Variants in MYO1B observed in about 807,000 individuals in gnomAD.
MYO1B encodes the protein myosin IB.
MYO1B carries 72 observed loss-of-function variants against 159.7 expected under a neutral mutation model. The ratio of observed to expected loss-of-function variants is 0.45; its 90% CI spans 0.37 to 0.55. MYO1B has a LOEUF of 0.55. Among genes scored for constraint, MYO1B ranks in the 20% least tolerant of loss-of-function variants. The probability of loss-of-function intolerance (pLI) is 0.00; values close to 1 mark genes in which losing one functional copy is unlikely to be tolerated. For synonymous variants in MYO1B, 468 were observed against 473.8 expected (o/e 0.99, Z 0.16); for missense variants, 1,062 against 1,364.8 (o/e 0.78, Z 3.50).
intron 1 of MYO1B, among the ~76,000 whole-genome samples, chr2:191,260,537 A>G (rs1686749557): frequency 6.6e-6 from 1 of 152,006 alleles, no homozygotes; most frequent in Non-Finnish European, 1.5e-5. Flanking sequence ...AAGAGAGTGA[A>G]TGTCAGATTT....
intron 1 of MYO1B, among the ~76,000 whole-genome samples, chr2:191,254,638 T>G (rs1405792960): frequency 6.6e-6 from 1 of 151,816 alleles, no homozygotes; most frequent in Non-Finnish European, 1.5e-5. Context: ...CCCAAGTAAC[T>G]AGGACTATTG....
At position 191,409,687 on chromosome 2, in the gene MYO1B, CTAAAT is replaced by C. The variant is rs369502389; in HGVS notation, c.2766+512_2766+516del. On this transcript the variant is annotated intron_variant, in intron 26 of 30. Transcript: ENST00000392318. ...CTAAAGATAGTAACACATTCTCTAT[CTAAAT>C]TACAGGGAAGCTGGAAATCTGTTTT... Among the ~76,000 whole-genome samples, 1,213 of 152,296 alleles carry C rather than the reference CTAAAT, an allele frequency of 8.0e-3. 5 individuals are homozygous for C. Among genetic ancestry groups the C allele is most frequent in the Non-Finnish European group, 0.013 (865 of 68,012 alleles).
intron 3 of MYO1B, among the ~76,000 whole-genome samples, chr2:191,318,083 A>G (rs1690466652): frequency 1.3e-5 from 2 of 152,204 alleles, no homozygotes; most frequent in African/African-American, 4.8e-5. Context: ...TCCCACTCTC[A>G]AAAGAAACTG....
intron 3 of MYO1B, among the ~76,000 whole-genome samples, chr2:191,311,350 C>T (rs1689991560): frequency 6.6e-6 from 1 of 152,188 alleles, no homozygotes; most frequent in Non-Finnish European, 1.5e-5. Context: ...TGGGAAAACA[C>T]ATGCAGGCAT....
At chr2:191,385,042 G>A (rs1695320138) in intron 15 of MYO1B, among the ~76,000 whole-genome samples, 1 of 152,186 alleles carries the variant, frequency 6.6e-6, no homozygotes, top group Non-Finnish European at 1.5e-5. Flanking sequence ...GACTTTGCCT[G>A]GGTGGAAGTA....
intron 1 of MYO1B, among the ~76,000 whole-genome samples, chr2:191,253,586 G>C (rs1686259273): frequency 7.1e-6 from 1 of 141,378 alleles, no homozygotes; most frequent in African/African-American, 2.5e-5. Context: ...AAAAAAAAAA[G>C]AAAATATTTG....
chr2:191,313,852 G>A (rs1690181730), intron 3 of MYO1B, among the ~76,000 whole-genome samples: 3 of 152,218 alleles, frequency 2.0e-5, no homozygotes, highest in African/African-American at 7.2e-5. Context: ...GGAAGGTGAA[G>A]AGAGAGCATG....
At chr2:191,385,688 A>G (rs528940456) in intron 15 of MYO1B, among the ~76,000 whole-genome samples, 196 bp from the exon 16 acceptor site, 4 of 152,262 alleles carry the variant, frequency 2.6e-5, no homozygotes, top group African/African-American at 9.6e-5. Context: ...CCACACCACC[A>G]TACACACACC....
chr2:191,279,561 C>A (rs1428141147), intron 2 of MYO1B, among the ~76,000 whole-genome samples: 1 of 152,120 alleles, frequency 6.6e-6, no homozygotes, highest in Admixed American at 6.6e-5. Flanking sequence ...ACCACACTCT[C>A]CAGCCCCACA....
At chr2:191,283,909 C>T (rs567938396) in intron 2 of MYO1B, among the ~76,000 whole-genome samples, 54 of 152,346 alleles carry the variant, frequency 3.5e-4, no homozygotes, top group Admixed American at 2.0e-3. Context: ...AGTATTCCTG[C>T]CATGTGTTGA....
chr2:191,392,084 C>A, intron 18 of MYO1B, 24 bp from the exon 19 acceptor site: 1 of 1,552,300 alleles, frequency 6.4e-7, no homozygotes, highest in South Asian at 1.2e-5. Flanking sequence ...AGAAAACTCA[C>A]TGTTTTTATT....
At chr2:191,411,371 A>G (rs1233496354) in intron 27 of MYO1B, among the ~76,000 whole-genome samples, 199 bp downstream of exon 27, 3 of 152,210 alleles carry the variant, frequency 2.0e-5, no homozygotes, top group Admixed American at 6.5e-5. Flanking sequence ...AAATGAGGTT[A>G]CGATTGTTGG....
At chr2:191,348,786 A>G (rs1441318525) in intron 6 of MYO1B, among the ~76,000 whole-genome samples, 1 of 152,200 alleles carries the variant, frequency 6.6e-6, no homozygotes, top group Non-Finnish European at 1.5e-5. Context: ...CATGCTAGCC[A>G]GGGAAATCTT....
At chr2:191,351,293 C>T (rs933516684) in intron 7 of MYO1B, among the ~76,000 whole-genome samples, 9 of 151,874 alleles carry the variant, frequency 5.9e-5, no homozygotes, top group Non-Finnish European at 1.3e-4. Context: ...TGCTGAACCC[C>T]AAAGAAGGTA....
intron 2 of MYO1B, among the ~76,000 whole-genome samples, chr2:191,288,700 T>C (rs1286461264): frequency 6.6e-6 from 1 of 152,194 alleles, no homozygotes; most frequent in East Asian, 1.9e-4. Context: ...GCATGTAAAA[T>C]GGTTTGTAGC....
intron 13 of MYO1B, among the ~76,000 whole-genome samples, chr2:191,376,254 CTA>C (rs1694703636): frequency 1.3e-5 from 2 of 152,198 alleles, no homozygotes; most frequent in African/African-American, 2.4e-5. Context: ...AAAAAGGAGA[CTA>C]TTTCATATTA....
chr2:191,338,240 G>A (rs1443605332), intron 4 of MYO1B, among the ~76,000 whole-genome samples: 1 of 151,818 alleles, frequency 6.6e-6, no homozygotes, highest in East Asian at 1.9e-4. Flanking sequence ...ATTAAGATGA[G>A]CCCAGTAGTA....
At chr2:191,405,423 G>GA (rs1696859498) in intron 24 of MYO1B, among the ~76,000 whole-genome samples, 2 of 152,156 alleles carry the variant, frequency 1.3e-5, no homozygotes, top group South Asian at 4.1e-4. Flanking sequence ...CATGAATCTG[G>GA]AATATTCTTA....
intron 11 of MYO1B, among the ~76,000 whole-genome samples, chr2:191,367,857 G>C (rs990135974): frequency 2.0e-5 from 3 of 152,226 alleles, no homozygotes; most frequent in African/African-American, 7.2e-5. Context: ...TAGACTAACT[G>C]TGTGCTAGGC....
Sources: allele counts gnomAD v4.1 joint callset (sites outside exome capture counted in the v4.1 genomes callset), GRCh38; gene constraint gnomAD v4.1.1; transcripts MANE v1.5; gene names NCBI Gene and HGNC (gene_info 2026-07-23, HGNC 2026-07-21).